ZNF407: variants seen among roughly 807,000 people sequenced by gnomAD.
ZNF407 encodes zinc finger protein 407.
ZNF407 carries 17 observed loss-of-function variants against 131.2 expected under a neutral mutation model. That is an observed-to-expected ratio of 0.13 (90% CI 0.09 to 0.19). The LOEUF is 0.19. Among genes scored for constraint, ZNF407 ranks in the 10% least tolerant of loss-of-function variants. The pLI is 1.00. For missense variants in ZNF407, 2,681 were observed against 2,830.6 expected, an observed-to-expected ratio of 0.95 and a Z score of 1.20; for synonymous variants, 1,156 against 1,062.0, an observed-to-expected ratio of 1.09 and a Z score of -1.72.
At chr18:74,815,841 T>C (rs1357339920) in intron 4 of ZNF407, among the ~76,000 whole-genome samples, 1 of 152,154 alleles carries the variant, frequency 6.6e-6, no homozygotes, top group East Asian at 1.9e-4. Flanking sequence ...TTAATTGTAT[T>C]GATAGGTTAT....
In ZNF407 at chr18:74,657,901, T is replaced by TTTCTTCTTCTTCTTCTTCTTCTTC. The variant is rs58407278; in HGVS notation, c.4802+16790_4802+16813dup. On this transcript the variant is annotated intron_variant, in intron 3 of 8. Transcript: ENST00000299687. The stretch of plus-strand genomic sequence containing the variant: ...TCTTGCTCTCTACTTCTCCTTTTCC[T>TTTCTTCTTCTTCTTCTTCTTCTTC]TTCTTCTTCTTCTTCTTCTTCTTCT... 5.5e-4 allele frequency among the ~76,000 whole-genome samples: 81 copies of TTTCTTCTTCTTCTTCTTCTTCTTC among 147,778 alleles called. 1 individual carries two copies. The highest frequency in any genetic ancestry group is 2.0e-3 in the African/African-American group (77 of 39,458).
chr18:75,064,636 C>A lies in ZNF407; in HGVS notation c.*168C>A. On this transcript the variant is annotated 3_prime_UTR_variant, in exon 9 of 9. Transcript: ENST00000299687. Reference sequence around the variant, plus strand: ...AGAGTCACACTGGCCACCAGCCAGGCGCCCACAGAGGGTACCGTGGGCTGG... The same window carrying A: ...AGAGTCACACTGGCCACCAGCCAGGAGCCCACAGAGGGTACCGTGGGCTGG... 1.6e-6 allele frequency: 1 copy of A among 630,864 alleles called. No homozygotes were observed. Among genetic ancestry groups the A allele is most frequent in the Non-Finnish European group, 2.5e-6 (1 of 402,872 alleles). The allele number at this position is 630,864 out of a possible 1,614,324, so 39.1% of individuals were successfully genotyped here. A position where few individuals can be genotyped will look rare whatever the true frequency, so the allele number is the denominator to read the frequency against.
intron 4 of ZNF407, among the ~76,000 whole-genome samples, chr18:74,847,417 T>C (rs1970717383): frequency 6.6e-6 from 1 of 152,238 alleles, no homozygotes; most frequent in African/African-American, 2.4e-5. Flanking sequence ...ACTTCAAAAC[T>C]GTTATCGTTG....
chr18:74,691,454 T>A (rs1159597306), intron 3 of ZNF407, among the ~76,000 whole-genome samples: 3 of 150,794 alleles, frequency 2.0e-5, no homozygotes, highest in South Asian at 4.2e-4. Context: ...TTGGCTAAAA[T>A]TTTTTTTGTT....
In ZNF407 at chr18:74,635,235, A is replaced by G; in HGVS notation, c.4216A>G (p.Ser1406Gly). 6.2e-7 allele frequency: 1 copy of G among 1,613,986 alleles called. No homozygotes were observed. Among genetic ancestry groups the G allele is most frequent in the South Asian group, 1.1e-5 (1 of 91,076 alleles). The change falls in exon 2 of 9, where the codon AGT (serine) becomes GGT (glycine). Residue 1406 changes from serine (S) to glycine (G), a missense_variant. Physicochemically the swap from Ser to Gly is moderately conservative, Grantham distance 56. Transcript: ENST00000299687. The surrounding 1 kb of genome is among the most constrained non-coding windows in gnomAD (Gnocchi z 4.7). ...QGVKKKKSEG[S>G]SIGESTRIRC... is the part of the protein sequence containing the mutation. ...TGTGAAAAAGAAGAAATCTGAGGGC[A>G]GTTCCATTGGTGAGTCTACACGAAT...
chr18:74,651,943 T>G (rs1459767473), intron 3 of ZNF407, among the ~76,000 whole-genome samples: 1 of 152,126 alleles, frequency 6.6e-6, no homozygotes, highest in Non-Finnish European at 1.5e-5. Flanking sequence ...TGTTATAGCA[T>G]TGCTGTGTCT....
intron 4 of ZNF407, among the ~76,000 whole-genome samples, chr18:74,797,635 G>A (rs914524526): frequency 1.3e-5 from 2 of 152,202 alleles, no homozygotes; most frequent in Admixed American, 1.3e-4. Flanking sequence ...CAGATTGAGA[G>A]GGGTGACCTT....
chr18:74,945,243 T>C (rs1972142127), intron 8 of ZNF407, among the ~76,000 whole-genome samples: 1 of 152,194 alleles, frequency 6.6e-6, no homozygotes, highest in African/African-American at 2.4e-5. Flanking sequence ...TGGACTTTAT[T>C]TCTGCAAAAG....
intron 4 of ZNF407, among the ~76,000 whole-genome samples, chr18:74,806,174 G>T (rs573994958): frequency 6.6e-6 from 1 of 152,212 alleles, no homozygotes; most frequent in African/African-American, 2.4e-5. Flanking sequence ...GCTGGATGGC[G>T]CAGGGCCTGC....
rs576691589 is a variant in ZNF407 at position 74,598,729 on chromosome 18, G to A, written c.-54+792G>A. ...CCCGCGGCTGCCTGACACCGCTGCG[G>A]GCAGCAGTGGGTTTCTCAGTAGATG... On this transcript the variant is annotated intron_variant, in intron 1 of 8. Transcript: ENST00000299687. Among the ~76,000 whole-genome samples, 3 of 152,394 alleles carry A rather than the reference G, an allele frequency of 2.0e-5. No individual in the cohort carries two copies. The South Asian group carries it at 6.2e-4, about 32-fold the overall frequency.
At chr18:74,642,272 A>T (rs190209612) in intron 3 of ZNF407, among the ~76,000 whole-genome samples, 1 of 152,236 alleles carries the variant, frequency 6.6e-6, no homozygotes, top group East Asian at 1.9e-4. Flanking sequence ...TCCCCTGAAG[A>T]TGAGTGGGAG....
intron 8 of ZNF407, among the ~76,000 whole-genome samples, chr18:75,032,879 G>C (rs1004315399): frequency 8.4e-5 from 12 of 143,680 alleles, no homozygotes; most frequent in Non-Finnish European, 1.8e-4. Flanking sequence ...AGATAACTGA[G>C]AGTGCTCAGA....
chr18:74,865,681 A>T (rs541244331), intron 4 of ZNF407, among the ~76,000 whole-genome samples: 1 of 152,348 alleles, frequency 6.6e-6, no homozygotes, highest in South Asian at 2.1e-4. Context: ...TGTCTATCTG[A>T]ATTTATCTTT....
chr18:74,955,668 C>T (rs1484310183), intron 8 of ZNF407, among the ~76,000 whole-genome samples: 6 of 152,054 alleles, frequency 3.9e-5, no homozygotes, highest in Admixed American at 3.9e-4. Context: ...TTCCAAATAC[C>T]CCAAGTAACC....
intron 3 of ZNF407, among the ~76,000 whole-genome samples, chr18:74,693,073 G>A (rs1052360706): frequency 3.9e-5 from 6 of 152,198 alleles, no homozygotes; most frequent in African/African-American, 1.2e-4. Flanking sequence ...TTCACTGTTG[G>A]CTTTTAACAG....
At chr18:75,008,024 G>C (rs940399382) in intron 8 of ZNF407, among the ~76,000 whole-genome samples, 15 of 152,206 alleles carry the variant, frequency 9.9e-5, no homozygotes, top group Admixed American at 2.0e-4. Context: ...AATAAGTTTA[G>C]TGTGGCTAGT....
chr18:74,822,949 T>C (rs111918086), intron 4 of ZNF407, among the ~76,000 whole-genome samples: 1 of 152,154 alleles, frequency 6.6e-6, no homozygotes, highest in Non-Finnish European at 1.5e-5. Context: ...TCCTTGAGCA[T>C]TGGTTTGTAG....
Position 74,947,675 on chromosome 18 carries a change from C to G in ZNF407, c.5428+26983C>G, listed in dbSNP as rs147751352. Among the ~76,000 whole-genome samples, 15 of 151,982 alleles carry G rather than the reference C, an allele frequency of 9.9e-5. No individual in the cohort carries two copies. In the East Asian group the frequency reaches 2.3e-3, roughly 23 times the overall value. On this transcript the variant is annotated intron_variant, in intron 8 of 8. Transcript: ENST00000299687. ...GGTACCAGTGCTGTCATCCTGGCAA[C>G]GGTGCCAAGATCAGAGTCAGCCTCA...
chr18:74,975,345 T>G (rs995331306), intron 8 of ZNF407, among the ~76,000 whole-genome samples: 11 of 152,346 alleles, frequency 7.2e-5, no homozygotes, highest in Non-Finnish European at 1.5e-4. Context: ...ATCTGAATTG[T>G]TTGATCGGTG....
Sources: gnomAD v4.1 joint callset for allele counts (sites outside exome capture counted in the v4.1 genomes callset) on GRCh38, gnomAD v4.1.1 for gene constraint, Gnocchi (gnomAD v3.1) non-coding constraint, MANE v1.5 for transcripts, NCBI Gene and HGNC (gene_info 2026-07-23, HGNC 2026-07-21) for gene names.